GRIK4: variants seen among roughly 807,000 people sequenced by gnomAD.
The protein encoded by GRIK4 is glutamate ionotropic receptor kainate type subunit 4.
In GRIK4, 40 loss-of-function variants were observed where a neutral mutation model predicts 104.9. That is an observed-to-expected ratio of 0.38 (90% CI 0.30 to 0.50). The LOEUF (loss-of-function observed/expected upper bound fraction) is 0.50, where lower values mean the gene tolerates loss of function less well. GRIK4 is among the 20% of genes least tolerant of loss of function. GRIK4 has a pLI of 0.93. For missense variants in GRIK4, 1,047 were observed against 1,308.1 expected, an observed-to-expected ratio of 0.80 and a Z score of 3.08; for synonymous variants, 485 against 524.9, an observed-to-expected ratio of 0.92 and a Z score of 1.04.
intron 13 of GRIK4, among the ~76,000 whole-genome samples, chr11:120,917,534 A>G (rs1321301448): frequency 6.6e-6 from 1 of 152,198 alleles, no homozygotes; most frequent in African/African-American, 2.4e-5. Flanking sequence ...GGGCAGGACT[A>G]AGGAATGACA....
At chr11:120,938,746 A>G (rs1267105625) in intron 13 of GRIK4, among the ~76,000 whole-genome samples, 1 of 152,204 alleles carries the variant, frequency 6.6e-6, no homozygotes, top group African/African-American at 2.4e-5. Flanking sequence ...GAAAATGTCA[A>G]TCATTGTAGG....
At position 120,797,856 on chromosome 11, in the gene GRIK4, G is replaced by A. The variant is rs141381422; in HGVS notation, c.83-4837G>A. Among the ~76,000 whole-genome samples the A allele has an allele frequency of 8.5e-3, 1,295 of 152,244 alleles. 8 individuals carry two copies. Among genetic ancestry groups the A allele is most frequent in the Non-Finnish European group, 0.014 (945 of 68,032 alleles). ...TCATCCTCCCCTTAATACAAGATTC[G>A]CACGTTCCCTATTTCCCACGTACTC... On this transcript the variant is annotated intron_variant, in intron 3 of 20. Transcript: ENST00000527524.
intron 1 of GRIK4, among the ~76,000 whole-genome samples, chr11:120,535,899 G>T (rs1947968751): frequency 6.6e-6 from 1 of 152,318 alleles, no homozygotes; most frequent in East Asian, 1.9e-4. Flanking sequence ...CCTTTTCCAG[G>T]GTAGGTATAC....
At chr11:120,817,559 C>T (rs1952993421) in intron 5 of GRIK4, among the ~76,000 whole-genome samples, 1 of 152,230 alleles carries the variant, frequency 6.6e-6, no homozygotes, top group African/African-American at 2.4e-5. Context: ...TCTCTGCAGC[C>T]CTTGTGGCTG....
At chr11:120,612,717 A>T (rs1270610173) in intron 1 of GRIK4, among the ~76,000 whole-genome samples, 1 of 152,206 alleles carries the variant, frequency 6.6e-6, no homozygotes, top group Non-Finnish European at 1.5e-5. Flanking sequence ...TGACACTAGA[A>T]GTTGTCAGTG....
intron 3 of GRIK4, among the ~76,000 whole-genome samples, chr11:120,755,588 A>G (rs1951637801): frequency 6.6e-6 from 1 of 151,976 alleles, no homozygotes; most frequent in South Asian, 2.1e-4. Context: ...ACCCTGGGTG[A>G]CAGAGGCAAG....
intron 1 of GRIK4, among the ~76,000 whole-genome samples, chr11:120,637,545 C>A (rs1378639097): frequency 6.6e-6 from 1 of 152,164 alleles, no homozygotes; most frequent in African/African-American, 2.4e-5. Flanking sequence ...GGACTGCTTC[C>A]CCTAGTAAAG....
At chr11:120,571,011 A>G (rs12279396) in intron 1 of GRIK4, among the ~76,000 whole-genome samples, 70,081 of 151,878 alleles carry the variant, frequency 0.46, 17,243 homozygotes, top group African/African-American at 0.62. Flanking sequence ...ATGATTTTCC[A>G]CAAGGTCACT....
intron 1 of GRIK4, among the ~76,000 whole-genome samples, chr11:120,514,304 A>G (rs1403876304): frequency 3.3e-5 from 5 of 152,168 alleles, no homozygotes; most frequent in South Asian, 2.1e-4. Context: ...ACTTCATTTG[A>G]TCTCTACTAC....
chr11:120,711,003 G>GGA (rs1950724615), intron 3 of GRIK4, among the ~76,000 whole-genome samples: 1 of 149,910 alleles, frequency 6.7e-6, no homozygotes, highest in African/African-American at 2.5e-5. Flanking sequence ...GAGGTGGGGA[G>GGA]GGGGTGTGAG....
intron 13 of GRIK4, among the ~76,000 whole-genome samples, chr11:120,907,973 T>A (rs1942906795): frequency 6.6e-6 from 1 of 152,148 alleles, no homozygotes; most frequent in Non-Finnish European, 1.5e-5. Flanking sequence ...TCCCCTAGGA[T>A]TGTGGTAGCC....
intron 8 of GRIK4, among the ~76,000 whole-genome samples, chr11:120,842,237 A>G (rs565245581): frequency 1.3e-5 from 2 of 152,342 alleles, no homozygotes; most frequent in South Asian, 2.1e-4. Context: ...GCAGCATTCC[A>G]TAAGGTTATT....
At chr11:120,931,441 G>A (rs1043849003) in intron 13 of GRIK4, among the ~76,000 whole-genome samples, 2 of 152,158 alleles carry the variant, frequency 1.3e-5, no homozygotes, top group Non-Finnish European at 2.9e-5. Context: ...ACATGGCAAG[G>A]GAGTGAGGAG....
intron 13 of GRIK4, among the ~76,000 whole-genome samples, chr11:120,917,887 C>T (rs910866020): frequency 6.6e-6 from 1 of 152,094 alleles, no homozygotes; most frequent in African/African-American, 2.4e-5. Context: ...GAAGGGTCTG[C>T]AAAGGAAATG....
Position 120,956,922 on chromosome 11 carries a change from G to A in GRIK4, c.1843G>A (p.Ala615Thr), listed in dbSNP as rs956070919. 3 of 1,612,576 alleles carry A rather than the reference G, an allele frequency of 1.9e-6. No homozygotes were observed. Among genetic ancestry groups the A allele is most frequent in the Middle Eastern group, 1.7e-4 (1 of 6,058 alleles). ...MQQGSTIAPR[A>T]LSTRCVSGVW... ...GCAAGGCTCCACCATCGCCCCTCGC[G>A]CCTTATCCACCCGCTGTGTCAGTGG... The change falls in exon 16 of 21, where the codon GCC (alanine) becomes ACC (threonine). Residue 615 changes from alanine (A) to threonine (T), a missense_variant. By Grantham distance (58) the Ala-to-Thr change is moderately conservative. Around this residue, in one of 3 missense-constraint regions of GRIK4, gnomAD observed 440 missense variants for 652.3 expected, o/e 0.67. Transcript: ENST00000527524. This position sits in a 1 kb window ranked among gnomAD's most constrained non-coding sequence, Gnocchi z 4.6.
At chr11:120,551,175 T>G (rs1038486953) in intron 1 of GRIK4, among the ~76,000 whole-genome samples, 2 of 151,848 alleles carry the variant, frequency 1.3e-5, no homozygotes, top group East Asian at 1.9e-4. Flanking sequence ...GCCGGTAGAT[T>G]TGGTGGTGGG....
chr11:120,670,800 C>T (rs541219583), intron 3 of GRIK4, among the ~76,000 whole-genome samples: 6 of 149,808 alleles, frequency 4.0e-5, no homozygotes, highest in South Asian at 2.1e-4. Flanking sequence ...TGGTTTGCTG[C>T]ACCCATCAAT....
Position 120,936,396 on chromosome 11 carries a change from T to A in GRIK4, c.1477-3951T>A, listed in dbSNP as rs188779582. 296 of 365,098 alleles carry A rather than the reference T, an allele frequency of 8.1e-4. 2 individuals are homozygous for A. The highest frequency in any genetic ancestry group is 2.1e-3 in the Middle Eastern group (2 of 972). The allele number at this position is 365,098 out of a possible 1,614,324, so 22.6% of individuals were successfully genotyped here. On this transcript the variant is annotated intron_variant, in intron 13 of 20. Coordinates refer to ENST00000527524, the MANE Select transcript of GRIK4 (RefSeq NM_014619.5). ...CTTGGGTGCATTAGGATCTTTTAAC[T>A]TTTTTTCTGTCTCCCCTTTAGGAGA...
intron 3 of GRIK4, among the ~76,000 whole-genome samples, chr11:120,799,549 G>T (rs574300225): frequency 6.6e-6 from 1 of 152,346 alleles, no homozygotes; most frequent in South Asian, 2.1e-4. Flanking sequence ...GAGTCAGGCT[G>T]ACCTGGGCTC....
Sources: allele counts gnomAD v4.1 joint callset (sites outside exome capture counted in the v4.1 genomes callset), GRCh38; gene constraint gnomAD v4.1.1; regional missense constraint gnomAD v4.1.1; non-coding constraint Gnocchi (gnomAD v3.1); transcripts MANE v1.5; gene names NCBI Gene and HGNC (gene_info 2026-07-23, HGNC 2026-07-21).